The following EFCAB6 variants were observed in gnomAD, a reference collection of about 807,000 sequenced individuals.
EFCAB6 encodes EF-hand calcium-binding domain-containing protein 6.
In EFCAB6, 156 loss-of-function variants were observed where a neutral mutation model predicts 169.8. The ratio of observed to expected loss-of-function variants is 0.92; its 90% CI spans 0.81 to 1.05. The LOEUF is 1.05. Among genes scored for constraint, EFCAB6 ranks in the 50% least tolerant of loss-of-function variants. The pLI is 0.00. For synonymous variants in EFCAB6, 698 were observed against 676.4 expected (o/e 1.03, Z -0.50); for missense variants, 1,800 against 1,829.1 (o/e 0.98, Z 0.29).
In EFCAB6 at chr22:43,632,111, T is replaced by C. The variant is rs1429209451; in HGVS notation, c.2226A>G (p.Ser742=). The change falls in exon 19 of 32, where the codon TCA becomes TCG. Residue 742 remains serine, a synonymous_variant. Coordinates refer to ENST00000262726, the MANE Select transcript of EFCAB6 (RefSeq NM_022785.4). ...LKLFPRRLKE[S]FRDPYSAFFK... is the part of the protein sequence containing the mutation. Reference sequence around the variant, plus strand: ...CCAGACAGTCACGGTTTACCCGGAATGACTCCTTCAGCCTCCTAGGGAAAA... The same window carrying C: ...CCAGACAGTCACGGTTTACCCGGAACGACTCCTTCAGCCTCCTAGGGAAAA... 1 of 1,613,998 alleles carries C rather than the reference T, an allele frequency of 6.2e-7. No individual in the cohort carries two copies. Among genetic ancestry groups the C allele is most frequent in the South Asian group, 1.1e-5 (1 of 91,062 alleles).
chr22:43,754,197 T>C (rs2060873436), intron 6 of EFCAB6, among the ~76,000 whole-genome samples: 1 of 152,234 alleles, frequency 6.6e-6, no homozygotes, highest in Non-Finnish European at 1.5e-5. Context: ...CTGGCATTTA[T>C]TAAGTGTTCC....
At chr22:43,800,812 C>T (rs2062682735) in intron 2 of EFCAB6, among the ~76,000 whole-genome samples, 1 of 151,872 alleles carries the variant, frequency 6.6e-6, no homozygotes, top group Non-Finnish European at 1.5e-5. Flanking sequence ...GAATGAAAAG[C>T]AATGAAGATC....
rs182501385 is a variant in EFCAB6, at chr22:43,658,730, T to C, written c.1983+8374A>G. Reference sequence around the variant, plus strand: ...TCGGTGGAAGGACATTGCTGGAGGATGGAGGAATAAGTAACAACTTCTGAA... The same window carrying C: ...TCGGTGGAAGGACATTGCTGGAGGACGGAGGAATAAGTAACAACTTCTGAA... On this transcript the variant is annotated intron_variant, in intron 17 of 31. Coordinates refer to ENST00000262726, the MANE Select transcript of EFCAB6 (RefSeq NM_022785.4). 2.8e-3 allele frequency among the ~76,000 whole-genome samples: 433 copies of C among 152,156 alleles called. 2 individuals carry two copies. Among genetic ancestry groups the C allele is most frequent in the Middle Eastern group, 0.027 (8 of 292 alleles).
At chr22:43,728,666 T>C (rs1258434703) in intron 8 of EFCAB6, among the ~76,000 whole-genome samples, 1 of 152,244 alleles carries the variant, frequency 6.6e-6, no homozygotes, top group African/African-American at 2.4e-5. Context: ...TGACCAGAGA[T>C]GTTGAGCTTT....
chr22:43,606,874 C>CCG (rs2052957241), intron 22 of EFCAB6, among the ~76,000 whole-genome samples: 1 of 152,214 alleles, frequency 6.6e-6, no homozygotes, highest in African/African-American at 2.4e-5. Flanking sequence ...GAAACAGGCT[C>CCG]CGTCCACTCT....
chr22:43,535,170 GGTGTTCCCCGCC>G, intron 29 of EFCAB6: 1 of 302,042 alleles, frequency 3.3e-6, no homozygotes, highest in Non-Finnish European at 6.0e-6. Context: ...GAGGTAAGGG[GGTGTTCCCCGCC>G]GTGTCAGGGC....
At chr22:43,660,968 G>A (rs539882888) in intron 17 of EFCAB6, among the ~76,000 whole-genome samples, 11 of 152,198 alleles carry the variant, frequency 7.2e-5, no homozygotes, top group Non-Finnish European at 1.0e-4. Context: ...AAAAGGGAGA[G>A]GGGAAGAGAA....
At chr22:43,715,307 C>T (rs1010698536) in intron 9 of EFCAB6, among the ~76,000 whole-genome samples, 1 of 152,144 alleles carries the variant, frequency 6.6e-6, no homozygotes, top group Non-Finnish European at 1.5e-5. Flanking sequence ...TGTTTACACT[C>T]AGCCCCAGGA....
In EFCAB6 at chr22:43,745,340, G is replaced by A. The variant is rs564389302; in HGVS notation, c.508-9347C>T. On this transcript the variant is annotated intron_variant, in intron 6 of 31. Coordinates refer to ENST00000262726, the MANE Select transcript of EFCAB6 (RefSeq NM_022785.4). ...CCCTCTGGAGGCCTGGCACTAACGT[G>A]GCCCTTCCCGGAGGCAGGCCAAGCT... is the stretch of plus-strand genomic sequence containing the variant. 2.6e-5 allele frequency among the ~76,000 whole-genome samples: 4 copies of A among 152,302 alleles called. No individual in the cohort carries two copies. The South Asian group carries it at 8.3e-4, about 32-fold the overall frequency.
At chr22:43,690,216 C>G (rs1447932304) in intron 10 of EFCAB6, among the ~76,000 whole-genome samples, 1 of 151,872 alleles carries the variant, frequency 6.6e-6, no homozygotes, top group Non-Finnish European at 1.5e-5. Context: ...AATGTAAATC[C>G]GGGCTGGGCG....
At chr22:43,695,761 T>C (rs562730441) in intron 10 of EFCAB6, among the ~76,000 whole-genome samples, 6 of 152,160 alleles carry the variant, frequency 3.9e-5, no homozygotes, top group South Asian at 2.1e-4. Context: ...GCTGGAACAA[T>C]TGGATATCTG....
chr22:43,539,286 G>A (rs1378868782), intron 28 of EFCAB6, among the ~76,000 whole-genome samples: 1 of 152,144 alleles, frequency 6.6e-6, no homozygotes, highest in Non-Finnish European at 1.5e-5. Context: ...TCTTCCCTCT[G>A]CTCTACTTAC....
chr22:43,623,725 C>T (rs1237671715), intron 20 of EFCAB6, among the ~76,000 whole-genome samples: 38 of 134,002 alleles, frequency 2.8e-4, no homozygotes, highest in Non-Finnish European at 5.0e-4. Context: ...GAAACCCCGT[C>T]TCTACTAAAA....
chr22:43,577,709 C>T (rs916172741), intron 25 of EFCAB6, among the ~76,000 whole-genome samples: 1 of 152,116 alleles, frequency 6.6e-6, no homozygotes, highest in Admixed American at 6.5e-5. Flanking sequence ...AACTGTGCCG[C>T]AGGGGCAATG....
chr22:43,663,986 T>G (rs1343590312), intron 17 of EFCAB6, among the ~76,000 whole-genome samples: 2 of 152,366 alleles, frequency 1.3e-5, no homozygotes, highest in African/African-American at 4.8e-5. Flanking sequence ...GCTGGGTTTC[T>G]GCTTTTCCTT....
intron 27 of EFCAB6, chr22:43,553,699 T>A (rs1488778454): frequency 2.0e-5 from 3 of 152,322 alleles, no homozygotes; most frequent in Non-Finnish European, 4.4e-5. Flanking sequence ...ACAGCTGCCA[T>A]GGCAAGGCAG....
chr22:43,676,904 A>T (rs2057785979), intron 13 of EFCAB6, among the ~76,000 whole-genome samples: 1 of 152,174 alleles, frequency 6.6e-6, no homozygotes. Context: ...ACCATCTTAA[A>T]GCTTTCCCTA....
intron 20 of EFCAB6, among the ~76,000 whole-genome samples, chr22:43,622,528 T>G (rs2054181444): frequency 6.6e-6 from 1 of 152,124 alleles, no homozygotes; most frequent in South Asian, 2.1e-4. Flanking sequence ...ATGGCACCAT[T>G]GCACTCCAGC....
chr22:43,687,000 A>C (rs1222957769), intron 11 of EFCAB6, among the ~76,000 whole-genome samples: 4 of 152,240 alleles, frequency 2.6e-5, no homozygotes, highest in Non-Finnish European at 5.9e-5. Context: ...AATGATAGAC[A>C]AATAATCTCC....
Sources: allele counts gnomAD v4.1 joint callset (sites outside exome capture counted in the v4.1 genomes callset), GRCh38; gene constraint gnomAD v4.1.1; transcripts MANE v1.5; gene names NCBI Gene and HGNC (gene_info 2026-07-23, HGNC 2026-07-21).